The following KIF15 variants were observed in gnomAD, a reference collection of about 807,000 sequenced individuals.
KIF15 encodes the protein kinesin-like protein KIF15.
Under a neutral mutation model 190.6 loss-of-function variants are expected in KIF15, and 140 were observed. The observed-to-expected ratio is 0.73, with a 90% confidence interval of 0.64 to 0.84. KIF15 has a LOEUF of 0.84. KIF15 is among the 40% of genes least tolerant of loss of function. KIF15 has a pLI of 0.00. For missense variants in KIF15, 1,372 were observed against 1,584.4 expected, an observed-to-expected ratio of 0.87 and a Z score of 2.28; for synonymous variants, 528 against 551.3, an observed-to-expected ratio of 0.96 and a Z score of 0.59.
At chr3:44,819,378 A>C (rs1429395494) in intron 20 of KIF15, among the ~76,000 whole-genome samples, 1 of 152,154 alleles carries the variant, frequency 6.6e-6, no homozygotes, top group Non-Finnish European at 1.5e-5. Context: ...TCCTGTGGGC[A>C]TTTAGTGCTA....
At chr3:44,831,634 G>A (rs1479230263) in intron 26 of KIF15, among the ~76,000 whole-genome samples, 1 of 152,140 alleles carries the variant, frequency 6.6e-6, no homozygotes, top group Non-Finnish European at 1.5e-5. Context: ...AAATTAAGCA[G>A]TACAGGTTAA....
intron 16 of KIF15, among the ~76,000 whole-genome samples, chr3:44,810,278 G>A (rs111857077): frequency 6.6e-6 from 1 of 151,968 alleles, no homozygotes; most frequent in Non-Finnish European, 1.5e-5. Flanking sequence ...GAGAGACAGG[G>A]TCTCAGTCTG....
intron 14 of KIF15, among the ~76,000 whole-genome samples, 187 bp downstream of exon 14, chr3:44,803,178 G>A (rs1259664570): frequency 6.6e-6 from 1 of 152,088 alleles, no homozygotes; most frequent in Non-Finnish European, 1.5e-5. Flanking sequence ...AAATCACAGA[G>A]CATAAACTAC....
intron 20 of KIF15, among the ~76,000 whole-genome samples, chr3:44,817,555 G>A (rs1219041413): frequency 1.3e-5 from 2 of 152,158 alleles, no homozygotes; most frequent in African/African-American, 4.8e-5. Context: ...GGTTGTAGAT[G>A]TGTGGTATTA....
intron 18 of KIF15, 77 bp from the exon 19 acceptor site, chr3:44,812,996 AAG>A: frequency 1.1e-6 from 1 of 877,238 alleles, no homozygotes; most frequent in Non-Finnish European, 1.7e-6. Context: ...AAAAAAAAAA[AAG>A]AAACAGGTTA....
At chr3:44,801,364 A>G (rs1168765567) in intron 11 of KIF15, 86 bp from the exon 12 acceptor site, 5 of 781,118 alleles carry the variant, frequency 6.4e-6, no homozygotes, top group Non-Finnish European at 1.1e-5. Flanking sequence ...GTTGAGAGCA[A>G]TCAATTAAAG....
At position 44,806,001 on chromosome 3, in the gene KIF15, C is replaced by G; in HGVS notation, c.1971+15C>G. On this transcript the variant is annotated intron_variant, in intron 16 of 34. Transcript: ENST00000326047. Reference sequence around the variant, plus strand: ...AAACACTTAAGGTAGGTCATCTGAACAATACCTCCACCTTAAATCAGTGCA... The same window carrying G: ...AAACACTTAAGGTAGGTCATCTGAAGAATACCTCCACCTTAAATCAGTGCA... 1 of 1,611,360 alleles carries G rather than the reference C, an allele frequency of 6.2e-7. No homozygotes were observed.
chr3:44,837,591 T>C (rs780385369), intron 26 of KIF15, among the ~76,000 whole-genome samples: 6 of 152,256 alleles, frequency 3.9e-5, no homozygotes, highest in Non-Finnish European at 2.9e-5. Flanking sequence ...TACATGTCTA[T>C]GTACACACAT....
At chr3:44,840,981 G>A (rs187242515) in intron 28 of KIF15, 93 bp from the exon 29 acceptor site, 939 of 1,225,726 alleles carry the variant, frequency 7.7e-4, no homozygotes, top group Middle Eastern at 3.0e-3. Context: ...GCCGTAGCTA[G>A]AATATTTTTT....
chr3:44,787,529 C>T (rs944437696), intron 7 of KIF15, among the ~76,000 whole-genome samples: 2 of 151,972 alleles, frequency 1.3e-5, no homozygotes, highest in African/African-American at 2.4e-5. Flanking sequence ...AATTGAGACT[C>T]CCCCCGGCGA....
intron 14 of KIF15, among the ~76,000 whole-genome samples, chr3:44,803,246 A>G (rs543366498): frequency 3.9e-5 from 6 of 152,360 alleles, no homozygotes; most frequent in African/African-American, 1.2e-4. Context: ...TGATAAAAAG[A>G]TTGATTCAGA....
chr3:44,799,184 A>T, intron 10 of KIF15: 1 of 452,974 alleles, frequency 2.2e-6, no homozygotes, highest in Admixed American at 2.4e-5. Flanking sequence ...TCAGAAGTGC[A>T]GTAGTACCTT....
chr3:44,776,990 ATTTTTT>A (rs371067828), intron 3 of KIF15, among the ~76,000 whole-genome samples: 37 of 116,836 alleles, frequency 3.2e-4, no homozygotes, highest in East Asian at 2.0e-3. Context: ...AACATCACAG[ATTTTTT>A]TTTTTTTTTT....
chr3:44,834,017 T>G (rs1698192947), intron 26 of KIF15, among the ~76,000 whole-genome samples: 1 of 152,216 alleles, frequency 6.6e-6, no homozygotes, highest in South Asian at 2.1e-4. Flanking sequence ...CTAAAAGCTC[T>G]TCTTTCCTTC....
At chr3:44,862,259 C>G (rs1699265225) in intron 6 of KIF15, 1 of 555,410 alleles carries the variant, frequency 1.8e-6, no homozygotes, top group Non-Finnish European at 2.3e-6. Flanking sequence ...CCTCGCCGGT[C>G]TGTCCCGCCG....
intron 26 of KIF15, among the ~76,000 whole-genome samples, chr3:44,831,307 G>C (rs1309565267): frequency 1.3e-5 from 2 of 152,050 alleles, no homozygotes; most frequent in Non-Finnish European, 2.9e-5. Flanking sequence ...CTCCTTTGAG[G>C]AGATAGTATT....
rs577025173 is a variant in KIF15, at chr3:44,778,166, G to C, written c.298G>C (p.Gly100Arg). 1 of 1,613,634 alleles carries C rather than the reference G, an allele frequency of 6.2e-7. No individual in the cohort carries two copies. The highest frequency in any genetic ancestry group is 8.5e-7 in the Non-Finnish European group (1 of 1,179,544). ...AKSIVESCMS[G>R]YNGTIFAYGQ... is the part of the protein sequence containing the mutation. ...AAGCATTGTGGAGTCTTGCATGAGC[G>C]GTTATAATGGTACCATCTTTGCATA... Residue 100 changes from glycine to arginine, a missense_variant, in exon 4 of 35, where the codon GGT (glycine) becomes CGT (arginine). Transcript: ENST00000326047.
downstream of KIF15, among the ~76,000 whole-genome samples, chr3:44,858,086 G>A (rs113990614): frequency 1.3e-5 from 2 of 152,322 alleles, no homozygotes; most frequent in African/African-American, 4.8e-5. Flanking sequence ...TGGGACTGAT[G>A]GGTGTCAGGG....
At chr3:44,841,307 G>A in intron 29 of KIF15, 69 bp downstream of exon 29, 2 of 1,309,422 alleles carry the variant, frequency 1.5e-6, no homozygotes, top group Non-Finnish European at 1.1e-6. Flanking sequence ...TGTTGCCCAG[G>A]CTGGGCTCAA....
Sources: gnomAD v4.1 joint callset for allele counts (sites outside exome capture counted in the v4.1 genomes callset) on GRCh38, gnomAD v4.1.1 for gene constraint, MANE v1.5 for transcripts, NCBI Gene and HGNC (gene_info 2026-07-23, HGNC 2026-07-21) for gene names.